The following ATG16L2 variants were observed in gnomAD, a reference collection of about 807,000 sequenced individuals.
The protein encoded by ATG16L2 is autophagy related 16 like 2, also known as protein Atg16l2.
In ATG16L2, 77 loss-of-function variants were observed where a neutral mutation model predicts 84.7. The ratio of observed to expected loss-of-function variants is 0.91; its 90% CI spans 0.76 to 1.10. ATG16L2 has a LOEUF of 1.10. ATG16L2 is among the 50% of genes least tolerant of loss of function. ATG16L2 has a pLI of 0.00. For synonymous variants in ATG16L2, 361 were observed against 342.8 expected (o/e 1.05, Z -0.59); for missense variants, 782 against 817.6 (o/e 0.96, Z 0.53).
At chr11:72,836,283 C>T (rs1455537288) in intron 5 of ATG16L2, among the ~76,000 whole-genome samples, 1 of 152,208 alleles carries the variant, frequency 6.6e-6, no homozygotes, top group Non-Finnish European at 1.5e-5. Context: ...TCTCCTTTCA[C>T]ACAATTCATT....
At chr11:72,832,147 C>T (rs1220216044), downstream of ATG16L2, among the ~76,000 whole-genome samples, 2 of 152,202 alleles carry the variant, frequency 1.3e-5, no homozygotes, top group Non-Finnish European at 2.9e-5. Context: ...TGCGCCATTG[C>T]GTTTCTCCCT....
At chr11:72,843,350 AAAC>A (rs1189234768) in exon 6 of ATG16L2, 1 of 1,602,648 alleles carries the variant, frequency 6.2e-7, no homozygotes, top group African/African-American at 1.3e-5. Flanking sequence ...ACATGTGACA[AAAC>A]AAGTTTACAC....
intron 1 of ATG16L2, among the ~76,000 whole-genome samples, chr11:72,815,271 T>C (rs747319554): frequency 8.5e-5 from 13 of 152,216 alleles, no homozygotes; most frequent in Non-Finnish European, 1.6e-4. Flanking sequence ...TGTATGTCTG[T>C]GGTTGGAAGT....
intron 8 of ATG16L2, 189 bp from the exon 9 acceptor site, chr11:72,824,545 C>T (rs899810855): frequency 9.8e-6 from 6 of 613,088 alleles, no homozygotes; most frequent in African/African-American, 5.5e-5. Context: ...TCTGTGTGCT[C>T]CCCACCCCGT....
chr11:72,839,304 T>G (rs1466156854), intron 5 of ATG16L2, among the ~76,000 whole-genome samples: 1 of 152,190 alleles, frequency 6.6e-6, no homozygotes, highest in Non-Finnish European at 1.5e-5. Context: ...ACATCTGCTT[T>G]AAGAAGAAAA....
Position 72,814,413 on chromosome 11 carries a change from G to C in ATG16L2, c.-33G>C, listed in dbSNP as rs1157622461. 11 of 1,374,366 alleles carry C rather than the reference G, an allele frequency of 8.0e-6. No homozygotes were observed. The East Asian group carries it at 2.8e-4, about 35-fold the overall frequency. 85.1% of individuals were successfully genotyped at this position (1,374,366 alleles called of 1,614,324 possible). ...CCCGGCCTGGCGCCGTCCTGGGCGG[G>C]AGGAACGCGCCGCTAGGCGGGAGAG... On this transcript the variant is annotated 5_prime_UTR_variant, in exon 1 of 18. Coordinates refer to ENST00000321297, the MANE Select transcript of ATG16L2 (RefSeq NM_033388.2).
At chr11:72,818,031 G>A in intron 3 of ATG16L2, 176 bp downstream of exon 3, 1 of 619,872 alleles carries the variant, frequency 1.6e-6, no homozygotes, top group South Asian at 2.0e-5. Context: ...AGTGCCCTGG[G>A]CAGCCCAGGA....
intron 16 of ATG16L2, 40 bp downstream of exon 16, chr11:72,828,816 C>T (rs748384619): frequency 1.9e-6 from 3 of 1,614,086 alleles, no homozygotes; most frequent in Non-Finnish European, 2.5e-6. Flanking sequence ...CAAGTGTGCC[C>T]TGCCGGACCC....
chr11:72,821,231 G>A, intron 3 of ATG16L2: 1 of 995,840 alleles, frequency 1.0e-6, no homozygotes, highest in South Asian at 4.3e-5. Flanking sequence ...CTGGTGTGGT[G>A]AGGATGGAAG....
At chr11:72,819,377 C>T (rs1591297304) in intron 3 of ATG16L2, among the ~76,000 whole-genome samples, 1 of 152,178 alleles carries the variant, frequency 6.6e-6, no homozygotes, top group East Asian at 1.9e-4. Flanking sequence ...GTCCCTTCTC[C>T]ATACAGCTTT....
Position 72,824,129 on chromosome 11 carries a change from G to GTGTGTGTGCC in ATG16L2, c.887+17_887+26dup. 6.2e-7 allele frequency: 1 copy of GTGTGTGTGCC among 1,614,190 alleles called. No individual in the cohort carries two copies. Among genetic ancestry groups the GTGTGTGTGCC allele is most frequent in the Non-Finnish European group, 8.5e-7 (1 of 1,180,022 alleles). ...TGGTGAAGGGGCTTCTGGAGTAAGT[G>GTGTGTGTGCC]TGTGTGTGCCTGTGTGTGCACCCAC... On this transcript the variant is annotated splice_region_variant and intron_variant, in intron 8 of 17. Transcript: ENST00000321297.
intron 14 of ATG16L2, 73 bp from the exon 15 acceptor site, chr11:72,828,286 C>A (rs200160307): frequency 3.8e-4 from 600 of 1,558,628 alleles, no homozygotes; most frequent in Non-Finnish European, 4.9e-4. Flanking sequence ...AAGGCTGCTG[C>A]GCCTGGCCCC....
At position 72,829,322 on chromosome 11, in the gene ATG16L2, G is replaced by GC; in HGVS notation, c.1794dup (p.Trp599LeufsTer71). ...CCCCAGCGCTGCCGTCAACGCCGTGGCCTGGTGCTACTCCGGGAGCCACAT... is the reference window on the plus strand; with the variant it reads ...CCCCAGCGCTGCCGTCAACGCCGTGGCCCTGGTGCTACTCCGGGAGCCACAT... On this transcript the variant is annotated frameshift_variant, in exon 18 of 18. Transcript: ENST00000321297. LOFTEE classifies it high-confidence loss of function. 3 of 1,613,176 alleles carry GC rather than the reference G, an allele frequency of 1.9e-6. No homozygotes were observed. Among genetic ancestry groups the GC allele is most frequent in the Non-Finnish European group, 2.5e-6 (3 of 1,179,848 alleles).
intron 14 of ATG16L2, among the ~76,000 whole-genome samples, chr11:72,827,899 G>T (rs10898882): frequency 6.6e-6 from 1 of 152,234 alleles, no homozygotes; most frequent in Non-Finnish European, 1.5e-5. Flanking sequence ...CGCCACTGCC[G>T]TCCAGCCTGG....
rs957552012 is a variant in ATG16L2 at position 72,822,060 on chromosome 11, GC to G, written c.412del (p.Arg138AlafsTer88). 1.3e-6 allele frequency: 2 copies of G among 1,515,312 alleles called. No homozygotes were observed. Among genetic ancestry groups the G allele is most frequent in the Non-Finnish European group, 1.7e-6 (2 of 1,147,616 alleles). The allele number at this position is 1,515,312 out of a possible 1,614,324, so 93.9% of individuals were successfully genotyped here. On this transcript the variant is annotated frameshift_variant, in exon 5 of 18. Transcript: ENST00000321297. LOFTEE classifies it high-confidence loss of function. This position sits in a 1 kb window ranked among gnomAD's most constrained non-coding sequence, Gnocchi z 4.2. ...GTCCTCCAGGCTGGCAGCCCTGGAG[GC>G]CCGCGTGGCGCAGCTGCGAGAGGCG... The part of the protein sequence containing the change: ...QRQSRLAALE[A>X]RVAQLREARA...
In ATG16L2 at chr11:72,828,234, C is replaced by T. The variant is rs374206026; in HGVS notation, c.1473-125C>T. Reference sequence around the variant, plus strand: ...GAGTCACTCGCAGCCTTTACCCCAGCGATCCAGGGCCCTGGGGTTCCTCCG... The same window carrying T: ...GAGTCACTCGCAGCCTTTACCCCAGTGATCCAGGGCCCTGGGGTTCCTCCG... On this transcript the variant is annotated intron_variant, in intron 14 of 17. Transcript: ENST00000321297. 1.2e-4 allele frequency: 127 copies of T among 1,066,212 alleles called. No individual in the cohort carries two copies. The South Asian group carries it at 1.7e-3, about 15-fold the overall frequency. 66.0% of individuals were successfully genotyped at this position (1,066,212 alleles called of 1,614,324 possible).
chr11:72,826,801 G>A lies in ATG16L2; in HGVS notation c.1344G>A (p.Glu448=), dbSNP rs35740958. The change falls in exon 13 of 18, where the codon GAG becomes GAA. Residue 448 remains glutamate (E), a synonymous_variant. Transcript: ENST00000321297. ...GGAGCCGCGACCGGACAGTGAAGGA[G>A]TGGGACCTCGGCCGTGCCTATTGTG... ...VTGSRDRTVK[E]WDLGRAYCSR... 1,662 of 1,613,922 alleles carry A rather than the reference G, an allele frequency of 1.0e-3. 1 individual carries two copies. The highest frequency in any genetic ancestry group is 1.5e-3 in the Middle Eastern group (9 of 6,044).
At chr11:72,829,738 C>A, downstream of ATG16L2, 1 of 692,106 alleles carries the variant, frequency 1.4e-6, no homozygotes, top group Non-Finnish European at 1.8e-6. Flanking sequence ...CCATACAGAG[C>A]TGAGGCAGCC....
At chr11:72,815,330 C>A (rs540077780) in intron 1 of ATG16L2, among the ~76,000 whole-genome samples, 2 of 152,332 alleles carry the variant, frequency 1.3e-5, no homozygotes, top group African/African-American at 2.4e-5. Flanking sequence ...CTTGGCCAAA[C>A]CCCCACAATC....
Sources: gnomAD v4.1 joint callset for allele counts (sites outside exome capture counted in the v4.1 genomes callset) on GRCh38, gnomAD v4.1.1 for gene constraint, Gnocchi (gnomAD v3.1) non-coding constraint, MANE v1.5 for transcripts, NCBI Gene and HGNC (gene_info 2026-07-23, HGNC 2026-07-21) for gene names.